LIPI: variants seen among roughly 807,000 people sequenced by gnomAD.
LIPI encodes the protein lipase member I.
In LIPI, 59 loss-of-function variants were observed where a neutral mutation model predicts 50.6. The observed-to-expected ratio is 1.16, with a 90% confidence interval of 0.94 to 1.45. The LOEUF (loss-of-function observed/expected upper bound fraction) is 1.45. Ranked by LOEUF, LIPI falls within the 40% of genes most tolerant of loss-of-function variation. The pLI is 0.00. For missense variants in LIPI, 586 were observed against 536.3 expected (o/e 1.09, Z -0.92); for synonymous variants, 203 against 178.2 (o/e 1.14, Z -1.11).
intron 8 of LIPI, 67 bp from the exon 9 acceptor site, chr21:14,144,866 T>C (rs913094101): frequency 2.6e-6 from 3 of 1,152,698 alleles, no homozygotes; most frequent in Admixed American, 1.9e-5. Flanking sequence ...CTAAAATCAA[T>C]ATAATCCTAA....
At chr21:14,208,896 ACAAAATTAGC>A (rs2020294019) in intron 1 of LIPI, among the ~76,000 whole-genome samples, 2 of 152,116 alleles carry the variant, frequency 1.3e-5, no homozygotes, top group South Asian at 4.1e-4. Context: ...TCCAAAAATT[ACAAAATTAGC>A]CAGGCGTGGT....
intron 9 of LIPI, among the ~76,000 whole-genome samples, chr21:14,114,205 A>G (rs1031930566): frequency 2.0e-5 from 3 of 151,442 alleles, no homozygotes; most frequent in African/African-American, 7.3e-5. Context: ...TTCTGATCTC[A>G]TGGGAACTAA....
chr21:14,195,947 C>A (rs1356656167), intron 1 of LIPI, among the ~76,000 whole-genome samples: 1 of 151,960 alleles, frequency 6.6e-6, no homozygotes, highest in Non-Finnish European at 1.5e-5. Flanking sequence ...CTGACAAAAC[C>A]AATGAGGATG....
intron 1 of LIPI, among the ~76,000 whole-genome samples, chr21:14,202,825 T>A (rs2020103800): frequency 6.6e-6 from 1 of 151,650 alleles, no homozygotes; most frequent in African/African-American, 2.4e-5. Flanking sequence ...AAGCCAAAAC[T>A]GACAAATGGG....
At chr21:14,174,775 G>A (rs758660014) in intron 4 of LIPI, among the ~76,000 whole-genome samples, 7 of 152,212 alleles carry the variant, frequency 4.6e-5, no homozygotes, top group African/African-American at 9.6e-5. Context: ...GGCTGGTCTC[G>A]AACTCCTGAC....
intron 9 of LIPI, among the ~76,000 whole-genome samples, chr21:14,110,074 CA>C (rs1460166884): frequency 6.7e-6 from 1 of 148,636 alleles, no homozygotes; most frequent in East Asian, 2.0e-4. Flanking sequence ...CACACATTAC[CA>C]AAAATGAACA....
At chr21:14,137,911 CTT>C (rs896263450) in intron 9 of LIPI, among the ~76,000 whole-genome samples, 3 of 152,100 alleles carry the variant, frequency 2.0e-5, no homozygotes, top group Non-Finnish European at 2.9e-5. Flanking sequence ...TGGTGCCAGA[CTT>C]TCAGTGGAAA....
chr21:14,208,334 A>G (rs1421408837), intron 1 of LIPI, among the ~76,000 whole-genome samples: 9 of 152,288 alleles, frequency 5.9e-5, no homozygotes, highest in Non-Finnish European at 7.4e-5. Context: ...AAGAATTCGC[A>G]TTTTTATCAC....
rs183000950 is a variant in LIPI, at chr21:14,178,661, A to G, written c.643+3097T>C. 9.2e-5 allele frequency among the ~76,000 whole-genome samples: 14 copies of G among 152,296 alleles called. No homozygotes were observed. The East Asian group carries it at 2.1e-3, about 23-fold the overall frequency. On this transcript the variant is annotated intron_variant, in intron 4 of 9. Coordinates refer to ENST00000681601, the MANE Select transcript of LIPI (RefSeq NM_001302998.2). ...ATTACTTTTGCACCAACTTAATAAT[A>G]AGCACATTTTTTATAGCCAGTGTAT... is the stretch of plus-strand genomic sequence containing the variant.
At chr21:14,124,426 C>T (rs749621456) in intron 9 of LIPI, among the ~76,000 whole-genome samples, 2 of 152,144 alleles carry the variant, frequency 1.3e-5, no homozygotes, top group Admixed American at 6.6e-5. Context: ...GACCCCGCCC[C>T]GGTAGAATAC....
chr21:14,198,896 CA>C (rs1322502561), intron 1 of LIPI, among the ~76,000 whole-genome samples: 3 of 151,834 alleles, frequency 2.0e-5, no homozygotes, highest in Non-Finnish European at 4.4e-5. Flanking sequence ...GAAATGAAAT[CA>C]TAACAAAAAG....
intron 9 of LIPI, among the ~76,000 whole-genome samples, chr21:14,122,959 T>G (rs2016919363): frequency 6.6e-6 from 1 of 152,190 alleles, no homozygotes; most frequent in Non-Finnish European, 1.5e-5. Context: ...ATTCCACCAA[T>G]GTCAGCCAAG....
chr21:14,194,912 C>T (rs1275186751), intron 1 of LIPI, among the ~76,000 whole-genome samples: 1 of 152,140 alleles, frequency 6.6e-6, no homozygotes, highest in African/African-American at 2.4e-5. Flanking sequence ...TGCCTTACTG[C>T]TGTAAACAAC....
Position 14,118,437 on chromosome 21 carries a change from C to T in LIPI, c.1296-9357G>A, listed in dbSNP as rs2822412. Among the ~76,000 whole-genome samples the T allele has an allele frequency of 3.9e-3, 590 of 152,150 alleles. 8 individuals carry two copies. The highest frequency in any genetic ancestry group is 0.013 in the African/African-American group (544 of 41,498). On this transcript the variant is annotated intron_variant, in intron 9 of 9. Transcript: ENST00000681601. ...ATGAAAGAGATGTATGACTGGAGAC[C>T]GAAAAGTCCAACGTAAGTTCTTATA...
chr21:14,210,462 T>C (rs1223589709), intron 1 of LIPI, among the ~76,000 whole-genome samples: 1 of 152,102 alleles, frequency 6.6e-6, no homozygotes, highest in Admixed American at 6.6e-5. Context: ...TAAGGCATAA[T>C]TTTAAATACC....
chr21:14,123,162 C>T (rs936972550), intron 9 of LIPI, among the ~76,000 whole-genome samples: 4 of 152,160 alleles, frequency 2.6e-5, no homozygotes, highest in Non-Finnish European at 5.9e-5. Context: ...ATTAAAAACC[C>T]CTATCATTGG....
At position 14,156,996 on chromosome 21, in the gene LIPI, G is replaced by T. The variant is rs1245045625; in HGVS notation, c.1007-4312C>A. Among the ~76,000 whole-genome samples the T allele has an allele frequency of 2.6e-5, 4 of 151,934 alleles. No homozygotes were observed. The East Asian group carries it at 5.8e-4, about 22-fold the overall frequency. On this transcript the variant is annotated intron_variant, in intron 7 of 9. Coordinates refer to ENST00000681601, the MANE Select transcript of LIPI (RefSeq NM_001302998.2). ...GTAGAAGAAGAATCCTCACTACATCGTGGCAGGTAGCTTAGTGGAATTATG... is the reference window on the plus strand; with the variant it reads ...GTAGAAGAAGAATCCTCACTACATCTTGGCAGGTAGCTTAGTGGAATTATG...
chr21:14,120,495 G>A (rs1018470632), intron 9 of LIPI, among the ~76,000 whole-genome samples: 8 of 152,236 alleles, frequency 5.3e-5, no homozygotes, highest in Non-Finnish European at 1.2e-4. Context: ...CCTAGAGGCT[G>A]TATGGGCTCC....
At chr21:14,139,909 A>G (rs1436206928) in intron 9 of LIPI, among the ~76,000 whole-genome samples, 1 of 152,142 alleles carries the variant, frequency 6.6e-6, no homozygotes, top group African/African-American at 2.4e-5. Flanking sequence ...GGATATAGCT[A>G]AGTGTGCAGG....
Sources: gnomAD v4.1 joint callset for allele counts (sites outside exome capture counted in the v4.1 genomes callset) on GRCh38, gnomAD v4.1.1 for gene constraint, MANE v1.5 for transcripts, NCBI Gene and HGNC (gene_info 2026-07-23, HGNC 2026-07-21) for gene names.